The following CSMD1 variants were observed in gnomAD, a reference collection of about 807,000 sequenced individuals.
The protein encoded by CSMD1 is CUB and Sushi multiple domains 1.
In CSMD1, 213 loss-of-function variants were observed where a neutral mutation model predicts 417.5. The ratio of observed to expected loss-of-function variants is 0.51; its 90% CI spans 0.46 to 0.57. CSMD1 has a LOEUF of 0.57. Among genes scored for constraint, CSMD1 ranks in the 20% least tolerant of loss-of-function variants. CSMD1 has a pLI of 0.00. For synonymous variants in CSMD1, 2,862 were observed against 1,736.8 expected, an observed-to-expected ratio of 1.65 and a Z score of -16.11; for missense variants, 6,923 against 4,529.7, an observed-to-expected ratio of 1.53 and a Z score of -15.17.
chr8:3,710,518 G>A (rs1399797173), intron 6 of CSMD1, among the ~76,000 whole-genome samples: 1 of 152,120 alleles, frequency 6.6e-6, no homozygotes, highest in African/African-American at 2.4e-5. Context: ...TCAGAGGGCT[G>A]GGCTTAGGTG....
chr8:4,594,043 G>A (rs1380206244), intron 2 of CSMD1, among the ~76,000 whole-genome samples: 3 of 152,126 alleles, frequency 2.0e-5, no homozygotes, highest in Middle Eastern at 3.4e-3. Flanking sequence ...TTGGCTGGAA[G>A]AATCATCAGT....
intron 2 of CSMD1, among the ~76,000 whole-genome samples, chr8:4,606,229 A>C (rs1035097330): frequency 3.3e-5 from 5 of 152,190 alleles, no homozygotes; most frequent in Admixed American, 2.6e-4. Context: ...AGTTGGAAGG[A>C]GAAAATATGC....
chr8:4,783,770 G>A (rs1797271214), intron 1 of CSMD1, among the ~76,000 whole-genome samples: 2 of 152,168 alleles, frequency 1.3e-5, no homozygotes, highest in Admixed American at 6.5e-5. Flanking sequence ...TCCAGCTGGT[G>A]ATGCCTCATT....
chr8:3,322,146 G>T, intron 23 of CSMD1, among the ~76,000 whole-genome samples: 1 of 152,170 alleles, frequency 6.6e-6, no homozygotes, highest in East Asian at 1.9e-4. Context: ...TGGTCATAAT[G>T]AGTTTGAGGA....
intron 10 of CSMD1, among the ~76,000 whole-genome samples, chr8:3,537,355 T>C (rs1798246946): frequency 2.0e-5 from 3 of 152,216 alleles, no homozygotes; most frequent in Admixed American, 1.3e-4. Flanking sequence ...TGAGTTTTTA[T>C]TGTTGTTTAG....
At chr8:3,904,707 G>C (rs566013587) in intron 5 of CSMD1, among the ~76,000 whole-genome samples, 4 of 146,062 alleles carry the variant, frequency 2.7e-5, no homozygotes, top group South Asian at 2.1e-4. Flanking sequence ...TGCTATCTCA[G>C]CTCACAGCAA....
At chr8:4,038,996 A>G (rs1013731428) in intron 3 of CSMD1, among the ~76,000 whole-genome samples, 3 of 152,216 alleles carry the variant, frequency 2.0e-5, no homozygotes, top group Admixed American at 6.5e-5. Context: ...AGCTGTTTCA[A>G]TGGTTAAGTG....
intron 2 of CSMD1, among the ~76,000 whole-genome samples, chr8:4,449,802 G>A (rs1199290423): frequency 6.6e-6 from 1 of 152,100 alleles, no homozygotes; most frequent in Admixed American, 6.5e-5. Context: ...TTACATAACA[G>A]AGCCCTGCAA....
chr8:3,981,545 C>A (rs1813871425), intron 5 of CSMD1, among the ~76,000 whole-genome samples: 1 of 145,334 alleles, frequency 6.9e-6, no homozygotes, highest in Non-Finnish European at 1.5e-5. Context: ...ATTGTGTTTA[C>A]CTAAGTCTTT....
chr8:4,747,010 C>T (rs892482203), intron 1 of CSMD1, among the ~76,000 whole-genome samples: 16 of 152,250 alleles, frequency 1.1e-4, no homozygotes, highest in East Asian at 3.9e-4. Flanking sequence ...CGTGAGAAGG[C>T]GGTTCAGAGA....
intron 5 of CSMD1, among the ~76,000 whole-genome samples, chr8:3,907,627 C>T (rs1393593390): frequency 6.6e-6 from 1 of 152,142 alleles, no homozygotes; most frequent in Non-Finnish European, 1.5e-5. Flanking sequence ...AGTTCAGGCT[C>T]ATTGATGAGA....
chr8:4,762,714 C>A (rs1033724056), intron 1 of CSMD1, among the ~76,000 whole-genome samples: 2 of 152,080 alleles, frequency 1.3e-5, no homozygotes, highest in Admixed American at 6.6e-5. Flanking sequence ...ATCACCAGAG[C>A]GAGCTATTGT....
intron 27 of CSMD1, 95 bp from the exon 28 acceptor site, chr8:3,223,962 A>G: frequency 8.0e-7 from 1 of 1,248,742 alleles, no homozygotes; most frequent in Non-Finnish European, 1.1e-6. Flanking sequence ...TCTTTAAGAA[A>G]AAGACATCAG....
At chr8:4,048,022 T>G (rs79073244) in intron 3 of CSMD1, among the ~76,000 whole-genome samples, 4,958 of 152,212 alleles carry the variant, frequency 0.033, 125 homozygotes, top group Non-Finnish European at 0.049. Context: ...GATCAAACCG[T>G]TTTGCCCACT....
At chr8:3,959,194 C>G (rs1367370722) in intron 5 of CSMD1, among the ~76,000 whole-genome samples, 1 of 152,166 alleles carries the variant, frequency 6.6e-6, no homozygotes, top group Non-Finnish European at 1.5e-5. Flanking sequence ...TAAAAACTGA[C>G]TTAAAAAATT....
intron 10 of CSMD1, among the ~76,000 whole-genome samples, chr8:3,527,644 A>C (rs993791993): frequency 6.6e-6 from 1 of 152,050 alleles, no homozygotes; most frequent in Admixed American, 6.6e-5. Flanking sequence ...ATCTCAAACC[A>C]GGTCTGCAGC....
intron 26 of CSMD1, among the ~76,000 whole-genome samples, chr8:3,277,730 A>T (rs1802411717): frequency 6.6e-6 from 1 of 152,210 alleles, no homozygotes; most frequent in Non-Finnish European, 1.5e-5. Context: ...TCAAGAAGGC[A>T]GGTGGACACT....
intron 1 of CSMD1, among the ~76,000 whole-genome samples, chr8:4,944,654 A>G (rs534738096): frequency 3.3e-5 from 5 of 152,316 alleles, no homozygotes; most frequent in South Asian, 4.1e-4. Flanking sequence ...GAGATGTTCG[A>G]TATTATTGAT....
Position 3,018,548 on chromosome 8 carries a change from G to A in CSMD1, c.7958C>T (p.Thr2653Met), listed in dbSNP as rs761795826. 9.3e-6 allele frequency: 15 copies of A among 1,613,542 alleles called. No individual in the cohort carries two copies. Among genetic ancestry groups the A allele is most frequent in the Middle Eastern group, 1.6e-4 (1 of 6,084 alleles). ...CTCTCTGACATGAGACCCCACAAGC[G>A]TGTAGCCGGTGTTGCACGTAAATAT... ...TAIFTCNTGY[T>M]LVGSHVRECL... Residue 2653 changes from threonine (T) to methionine (M), a missense_variant, in exon 52 of 70, where the codon ACG (threonine) becomes ATG (methionine). Transcript: ENST00000635120.
Sources: allele counts gnomAD v4.1 joint callset (sites outside exome capture counted in the v4.1 genomes callset), GRCh38; gene constraint gnomAD v4.1.1; transcripts MANE v1.5; gene names NCBI Gene and HGNC (gene_info 2026-07-23, HGNC 2026-07-21).